Variants in KIF13B observed in about 807,000 individuals in gnomAD.
The protein encoded by KIF13B is kinesin family member 13B.
KIF13B carries 127 observed loss-of-function variants against 222.0 expected under a neutral mutation model. The observed-to-expected ratio is 0.57, with a 90% CI of 0.50 to 0.66. KIF13B has a LOEUF of 0.66. KIF13B is among the 30% of genes least tolerant of loss of function. KIF13B has a pLI of 0.00. For synonymous variants in KIF13B, 976 were observed against 919.0 expected, an observed-to-expected ratio of 1.06 and a Z score of -1.12; for missense variants, 2,173 against 2,379.0, an observed-to-expected ratio of 0.91 and a Z score of 1.80.
chr8:29,143,198 C>T (rs1342267684), intron 18 of KIF13B, among the ~76,000 whole-genome samples: 7 of 152,150 alleles, frequency 4.6e-5, no homozygotes, highest in Non-Finnish European at 7.3e-5. Context: ...ACCCAAAAGA[C>T]CACATTTAAC....
In KIF13B at chr8:29,129,541, C is replaced by T. The variant is rs192536274; in HGVS notation, c.3075+992G>A. Among the ~76,000 whole-genome samples the T allele has an allele frequency of 9.6e-4, 146 of 152,166 alleles. 2 individuals are homozygous for T. The highest frequency in any genetic ancestry group is 1.7e-3 in the Non-Finnish European group (116 of 67,998). ...AATTTTCTCTATTTTGCTTTGAATG[C>T]TTTCTACGCTCGTTTTCTAGAGCGA... is the stretch of plus-strand genomic sequence containing the variant. On this transcript the variant is annotated intron_variant, in intron 24 of 39. Coordinates refer to ENST00000524189, the MANE Select transcript of KIF13B (RefSeq NM_015254.4).
chr8:29,193,749 CTT>C (rs1247464936), intron 3 of KIF13B, among the ~76,000 whole-genome samples: 1 of 152,222 alleles, frequency 6.6e-6, no homozygotes, highest in Non-Finnish European at 1.5e-5. Context: ...CAAATCATCT[CTT>C]GATTACTTAA....
intron 10 of KIF13B, among the ~76,000 whole-genome samples, chr8:29,172,969 C>G (rs1270091178): frequency 6.6e-6 from 1 of 151,020 alleles, no homozygotes; most frequent in East Asian, 1.9e-4. Flanking sequence ...GGCTGGAATG[C>G]AATGGCATGA....
chr8:29,132,274 T>A, intron 23 of KIF13B, 34 bp downstream of exon 23: 1 of 1,386,428 alleles, frequency 7.2e-7, no homozygotes, highest in South Asian at 1.9e-5. Context: ...ATTACATATA[T>A]ATAAATGGAA....
At chr8:29,132,223 G>A (rs1476127627) in intron 23 of KIF13B, 85 bp downstream of exon 23, 37 of 1,060,910 alleles carry the variant, frequency 3.5e-5, no homozygotes, top group Non-Finnish European at 4.4e-5. Context: ...TCCAGCCTGG[G>A]TGACAGAGTG....
At chr8:29,246,488 G>A (rs1484176957) in intron 1 of KIF13B, among the ~76,000 whole-genome samples, 1 of 151,974 alleles carries the variant, frequency 6.6e-6, no homozygotes, top group East Asian at 1.9e-4. Flanking sequence ...GGAAGACACT[G>A]CATGTTCATG....
intron 3 of KIF13B, among the ~76,000 whole-genome samples, chr8:29,194,854 A>G (rs746789880): frequency 4.6e-5 from 7 of 152,198 alleles, no homozygotes; most frequent in African/African-American, 7.2e-5. Flanking sequence ...CATTTTTTCT[A>G]AACATGCAAC....
rs1807300236 is a variant in KIF13B at position 29,071,885 on chromosome 8, C to T, written c.4953G>A (p.Val1651=). 2 of 1,522,662 alleles carry T rather than the reference C, an allele frequency of 1.3e-6. No homozygotes were observed. The highest frequency in any genetic ancestry group is 4.2e-5 in the Admixed American group (2 of 47,506). 94.3% of individuals were successfully genotyped at this position (1,522,662 alleles called of 1,614,324 possible). Residue 1651 remains valine, a synonymous_variant, in exon 39 of 40, where the codon GTG becomes GTA. Coordinates refer to ENST00000524189, the MANE Select transcript of KIF13B (RefSeq NM_015254.4). The surrounding 1 kb of genome is among the most constrained non-coding windows in gnomAD (Gnocchi z 4.9). ...AGAAGGAGCGCAACTCCGAGGCCCG[C>T]ACCCTCCGGACGCGGAACGGGGAGC... ...APGSPFRVRR[V]RASELRSFSR... is the part of the protein sequence containing the mutation.
rs1226236132 is a variant in KIF13B at position 29,071,319 on chromosome 8, G to C, written c.5218+301C>G. On this transcript the variant is annotated intron_variant, in intron 39 of 39. Coordinates refer to ENST00000524189, the MANE Select transcript of KIF13B (RefSeq NM_015254.4). The surrounding 1 kb of genome is among the most constrained non-coding windows in gnomAD (Gnocchi z 4.9). ...CTAAGGTGAAGGATGAGAAAGCAGA[G>C]CCCAGGGAGTGCAGAGGGCAGGGGA... Among the ~76,000 whole-genome samples the C allele has an allele frequency of 2.6e-5, 4 of 152,172 alleles. No homozygotes were observed. Among genetic ancestry groups the C allele is most frequent in the Non-Finnish European group, 5.9e-5 (4 of 68,020 alleles).
chr8:29,106,553 A>G (rs561898525), intron 35 of KIF13B, among the ~76,000 whole-genome samples: 2 of 147,360 alleles, frequency 1.4e-5, no homozygotes, highest in East Asian at 2.1e-4. Context: ...AATCACTTGA[A>G]CCTGGGAGGC....
At chr8:29,110,890 A>C (rs1809325221) in intron 32 of KIF13B, among the ~76,000 whole-genome samples, 1 of 152,222 alleles carries the variant, frequency 6.6e-6, no homozygotes, top group South Asian at 2.1e-4. Context: ...AAACTACAAA[A>C]TGTATAACCA....
chr8:29,228,735 C>T (rs1445192859), intron 2 of KIF13B, among the ~76,000 whole-genome samples: 7 of 152,146 alleles, frequency 4.6e-5, no homozygotes, highest in Non-Finnish European at 2.9e-5. Flanking sequence ...AATGCTGTGG[C>T]TGCTTGCTAA....
intron 2 of KIF13B, among the ~76,000 whole-genome samples, chr8:29,228,294 T>C (rs1815116599): frequency 6.7e-6 from 1 of 149,954 alleles, no homozygotes; most frequent in African/African-American, 2.5e-5. Flanking sequence ...TGAAACCCTG[T>C]CTCTACCAAA....
chr8:29,113,825 T>G (rs948496284), intron 31 of KIF13B, among the ~76,000 whole-genome samples: 1 of 152,192 alleles, frequency 6.6e-6, no homozygotes, highest in South Asian at 2.1e-4. Flanking sequence ...GCAGTAGGCA[T>G]CTGGATGAAC....
chr8:29,173,988 A>C (rs1244149664), intron 10 of KIF13B, among the ~76,000 whole-genome samples: 1 of 152,264 alleles, frequency 6.6e-6, no homozygotes, highest in Non-Finnish European at 1.5e-5. Flanking sequence ...ATTTAAAAAA[A>C]AATTTTTTAA....
intron 26 of KIF13B, among the ~76,000 whole-genome samples, chr8:29,125,275 C>A (rs1280806383): frequency 2.0e-5 from 3 of 152,176 alleles, no homozygotes; most frequent in African/African-American, 4.8e-5. Context: ...TCAACACCTA[C>A]ATGAATATCA....
intron 19 of KIF13B, chr8:29,140,846 C>T (rs1810786654): frequency 2.4e-6 from 1 of 422,078 alleles, no homozygotes; most frequent in African/African-American, 2.0e-5. Flanking sequence ...CATCCTCCAC[C>T]CATGACAGAG....
chr8:29,255,662 G>A (rs553953290), intron 1 of KIF13B, among the ~76,000 whole-genome samples: 4 of 151,752 alleles, frequency 2.6e-5, no homozygotes, highest in Non-Finnish European at 4.4e-5. Flanking sequence ...CTTGAGACTC[G>A]CTGCCTCCAT....
intron 37 of KIF13B, among the ~76,000 whole-genome samples, chr8:29,086,491 A>G (rs1808053910): frequency 6.6e-6 from 1 of 152,208 alleles, no homozygotes; most frequent in African/African-American, 2.4e-5. Flanking sequence ...ACTGCACTCC[A>G]GCCTGAGTGA....
Sources: allele counts gnomAD v4.1 joint callset (sites outside exome capture counted in the v4.1 genomes callset), GRCh38; gene constraint gnomAD v4.1.1; non-coding constraint Gnocchi (gnomAD v3.1); transcripts MANE v1.5; gene names NCBI Gene and HGNC (gene_info 2026-07-23, HGNC 2026-07-21).